The following TBXT variants were observed in gnomAD, a reference collection of about 807,000 sequenced individuals.
TBXT encodes the protein T brachyury transcription factor.
TBXT carries 19 observed loss-of-function variants against 41.1 expected under a neutral mutation model. The observed-to-expected ratio is 0.46, with a 90% CI of 0.32 to 0.68. The LOEUF is 0.68. Ranked by LOEUF, TBXT falls within the 30% of genes least tolerant of loss-of-function variation. The pLI is 0.03. For missense variants in TBXT, 536 were observed against 582.0 expected, an observed-to-expected ratio of 0.92 and a Z score of 0.81; for synonymous variants, 213 against 238.9, an observed-to-expected ratio of 0.89 and a Z score of 1.00.
chr6:166,167,362 C>T (rs1214676131), intron 1 of TBXT, 24 bp downstream of exon 1: 2 of 1,611,218 alleles, frequency 1.2e-6, no homozygotes, highest in Non-Finnish European at 1.7e-6. Context: ...GCGCGGCGCG[C>T]GCGGGCTCCG....
upstream of TBXT, among the ~76,000 whole-genome samples, chr6:166,168,105 A>G (rs966153659): frequency 2.0e-5 from 3 of 151,628 alleles, no homozygotes; most frequent in South Asian, 2.1e-4. Context: ...CCCTTCTCCA[A>G]ATGTTTGCAC....
In TBXT at chr6:166,160,252, C is replaced by A. The variant is rs545309497; in HGVS notation, c.1037+585G>T. Among the ~76,000 whole-genome samples, 6 of 152,308 alleles carry A rather than the reference C, an allele frequency of 3.9e-5. 1 individual carries two copies. The highest frequency in any genetic ancestry group is 1.4e-4 in the African/African-American group (6 of 41,554). Reference sequence around the variant, plus strand: ...AGCCTTTTTCCCTCTGCATAACTTGCAAGTTGGTAACAAAATAGTCATCAT... The same window carrying A: ...AGCCTTTTTCCCTCTGCATAACTTGAAAGTTGGTAACAAAATAGTCATCAT... On this transcript the variant is annotated intron_variant, in intron 7 of 7. Transcript: ENST00000366876.
At position 166,167,581 on chromosome 6, in the gene TBXT, G is replaced by C; in HGVS notation, c.11C>G (p.Pro4Arg). 13 of 1,562,540 alleles carry C rather than the reference G, an allele frequency of 8.3e-6. No individual in the cohort carries two copies. Among genetic ancestry groups the C allele is most frequent in the East Asian group, 2.4e-5 (1 of 41,996 alleles). MSS[P>R]GTESAGKSLQ... ...GCTCTTTCCCGCGCTCTCGGTGCCA[G>C]GGGAGCTCATCCTCCCGTCCGGCTC... Residue 4 changes from proline to arginine, a missense_variant, in exon 1 of 8, where the codon CCT becomes CGT. Coordinates refer to ENST00000366876, the MANE Select transcript of TBXT (RefSeq NM_001366285.2).
At chr6:166,163,403 A>T (rs1288698099) in intron 5 of TBXT, among the ~76,000 whole-genome samples, 2 of 152,092 alleles carry the variant, frequency 1.3e-5, no homozygotes, top group African/African-American at 4.8e-5. Context: ...CTCCTCTGAG[A>T]CTGGGAGTTT....
chr6:166,163,210 C>T (rs1779011422), intron 5 of TBXT, among the ~76,000 whole-genome samples: 1 of 152,116 alleles, frequency 6.6e-6, no homozygotes, highest in Non-Finnish European at 1.5e-5. Context: ...GACAAGGGTG[C>T]CCTCCCCTTC....
In TBXT at chr6:166,165,710, T is replaced by A. The variant is rs1262178061; in HGVS notation, c.602A>T (p.Glu201Val). The A allele has an allele frequency of 6.2e-7, 1 of 1,613,936 alleles. No homozygotes were observed. The highest frequency in any genetic ancestry group is 8.5e-7 in the Non-Finnish European group (1 of 1,180,030). ...QFIAVTAYQN[E>V]EITALKIKYN... ...ATCCGCCTCTGTCCTTCTCACCTCCTCGTTCTGATAAGCAGTCACCGCTAT... is the reference window on the plus strand; with the variant it reads ...ATCCGCCTCTGTCCTTCTCACCTCCACGTTCTGATAAGCAGTCACCGCTAT... Residue 201 changes from glutamate to valine, a missense_variant, in exon 3 of 8, where the codon GAG (glutamate) becomes GTG (valine). Coordinates refer to ENST00000366876, the MANE Select transcript of TBXT (RefSeq NM_001366285.2).
Position 166,167,637 on chromosome 6 carries a change from G to A in TBXT, c.-46C>T, listed in dbSNP as rs1489925902. The A allele has an allele frequency of 6.5e-7, 1 of 1,536,984 alleles. No homozygotes were observed. The highest frequency in any genetic ancestry group is 8.7e-7 in the Non-Finnish European group (1 of 1,146,464). On this transcript the variant is annotated 5_prime_UTR_variant, in exon 1 of 8. Coordinates refer to ENST00000366876, the MANE Select transcript of TBXT (RefSeq NM_001366285.2). ...CCCGCCGTCCCCGAAGCCCAGACTC[G>A]CTACCTGAGATCCACCTTCCCTGCT...
At chr6:166,162,215 G>A (rs1038875501) in intron 6 of TBXT, among the ~76,000 whole-genome samples, 2 of 152,270 alleles carry the variant, frequency 1.3e-5, no homozygotes, top group South Asian at 4.1e-4. Context: ...TCTGAGGCCT[G>A]TGCAAGGATG....
At chr6:166,159,062 C>T (rs1209048460) in intron 7 of TBXT, among the ~76,000 whole-genome samples, 14 of 152,208 alleles carry the variant, frequency 9.2e-5, no homozygotes, top group African/African-American at 2.9e-4. Context: ...ATCCCAGCTA[C>T]TTGGGAGGCT....
At chr6:166,161,017 C>A (rs774635686) in intron 6 of TBXT, 51 bp from the exon 7 acceptor site, 1 of 1,607,976 alleles carries the variant, frequency 6.2e-7, no homozygotes, top group Non-Finnish European at 8.5e-7. Flanking sequence ...CTTCCAAGAA[C>A]AACAAAGTAC....
intron 7 of TBXT, 96 bp downstream of exon 7, chr6:166,160,741 G>T: frequency 6.4e-7 from 1 of 1,553,606 alleles, no homozygotes; most frequent in Non-Finnish European, 8.8e-7. Context: ...AGGGACCAAG[G>T]AGAATAAGGA....
intron 1 of TBXT, among the ~76,000 whole-genome samples, chr6:166,167,059 A>G (rs1252278897): frequency 6.6e-6 from 1 of 151,984 alleles, no homozygotes; most frequent in African/African-American, 2.4e-5. Context: ...CTCGGGAGGG[A>G]GGGGAGGAGA....
Position 166,158,166 on chromosome 6 carries a change from C to T in TBXT, c.*149G>A, listed in dbSNP as rs887236480. ...GGGCTCTGGGGAAAGGTGCCGTGTG[C>T]TCCTCCACTGCTTTGAAAAGGAAGT... On this transcript the variant is annotated 3_prime_UTR_variant, in exon 8 of 8. Transcript: ENST00000366876. The T allele has an allele frequency of 2.4e-6, 3 of 1,231,882 alleles. No individual in the cohort carries two copies. Among genetic ancestry groups the T allele is most frequent in the Non-Finnish European group, 2.3e-6 (2 of 854,688 alleles). 76.3% of individuals were successfully genotyped at this position (1,231,882 alleles called of 1,614,324 possible). A position where few individuals can be genotyped will look rare whatever the true frequency, so the allele number is the denominator to read the frequency against.
chr6:166,166,762 G>C lies in TBXT; in HGVS notation c.301C>G (p.Arg101Gly). ...LLDFVAADNH[R>G]WKYVNGEWVP... is the part of the protein sequence containing the mutation. Reference sequence around the variant, plus strand: ...CATTCCCCGTTCACGTACTTCCAGCGGTGGTTGTCCGCCGCCACGAAGTCC... The same window carrying C: ...CATTCCCCGTTCACGTACTTCCAGCCGTGGTTGTCCGCCGCCACGAAGTCC... Residue 101 changes from arginine (R) to glycine (G), a missense_variant, in exon 2 of 8, where the codon CGC becomes GGC. Coordinates refer to ENST00000366876, the MANE Select transcript of TBXT (RefSeq NM_001366285.2). 1 of 1,613,786 alleles carries C rather than the reference G, an allele frequency of 6.2e-7. No individual in the cohort carries two copies. Among genetic ancestry groups the C allele is most frequent in the Non-Finnish European group, 8.5e-7 (1 of 1,180,048 alleles).
At chr6:166,165,676 G>T in intron 3 of TBXT, 30 bp downstream of exon 3, 2 of 1,613,086 alleles carry the variant, frequency 1.2e-6, no homozygotes, top group South Asian at 1.1e-5. Context: ...GCAGCACACC[G>T]GGAAAGCGAT....
chr6:166,160,796 G>T (rs1778928695), intron 7 of TBXT, 41 bp downstream of exon 7: 1 of 1,612,676 alleles, frequency 6.2e-7, no homozygotes, highest in Non-Finnish European at 8.5e-7. Flanking sequence ...CACAGGCAGA[G>T]CTCCCAGGAT....
At chr6:166,167,166 G>T (rs1316502419) in intron 1 of TBXT, among the ~76,000 whole-genome samples, 1 of 152,250 alleles carries the variant, frequency 6.6e-6, no homozygotes, top group African/African-American at 2.4e-5. Flanking sequence ...CTCCGAGGTC[G>T]GGACACCGAA....
intron 3 of TBXT, among the ~76,000 whole-genome samples, chr6:166,165,401 C>G (rs756299513): frequency 2.6e-5 from 4 of 152,146 alleles, no homozygotes; most frequent in Non-Finnish European, 4.4e-5. Flanking sequence ...AAGTCTTGTT[C>G]TCAAGAAATT....
At chr6:166,159,180 C>T (rs9348088) in intron 7 of TBXT, among the ~76,000 whole-genome samples, 17 of 152,054 alleles carry the variant, frequency 1.1e-4, no homozygotes, top group African/African-American at 3.9e-4. Flanking sequence ...CAAACAAACA[C>T]ACAAAACAGA....
Sources: gnomAD v4.1 joint callset for allele counts (sites outside exome capture counted in the v4.1 genomes callset) on GRCh38, gnomAD v4.1.1 for gene constraint, MANE v1.5 for transcripts, NCBI Gene and HGNC (gene_info 2026-07-23, HGNC 2026-07-21) for gene names.